RASSF3: variants seen among roughly 807,000 people sequenced by gnomAD.
The protein encoded by RASSF3 is Ras association domain family member 3.
Under a neutral mutation model 19.9 loss-of-function variants are expected in RASSF3, and 19 were observed. The observed-to-expected ratio is 0.96, with a 90% CI of 0.67 to 1.40. The LOEUF is 1.40. RASSF3 is among the 40% of genes most tolerant of loss of function. The probability of loss-of-function intolerance (pLI) is 0.00; values close to 1 mark genes in which losing one functional copy is unlikely to be tolerated. For missense variants in RASSF3, 306 were observed against 289.8 expected, an observed-to-expected ratio of 1.06 and a Z score of -0.41; for synonymous variants, 110 against 104.2, an observed-to-expected ratio of 1.06 and a Z score of -0.34.
intron 1 of RASSF3, among the ~76,000 whole-genome samples, chr12:64,674,093 C>T (rs1840627370): frequency 6.6e-6 from 1 of 152,134 alleles, no homozygotes; most frequent in Non-Finnish European, 1.5e-5. Context: ...CCTGTTCCTG[C>T]TTTCGCTGCC....
At chr12:64,562,601 A>C (rs904434266) in intron 2 of RASSF3, among the ~76,000 whole-genome samples, 15 of 150,424 alleles carry the variant, frequency 1.0e-4, no homozygotes, top group Non-Finnish European at 1.9e-4. Context: ...AACTTCCTCT[A>C]TTCTCCTGGG....
At chr12:64,634,380 C>T (rs562195890) in intron 1 of RASSF3, among the ~76,000 whole-genome samples, 1 of 150,824 alleles carries the variant, frequency 6.6e-6, no homozygotes. Flanking sequence ...CTATGTTATC[C>T]AGGCTGGTCT....
chr12:64,571,373 G>A (rs73317556), intron 2 of RASSF3, among the ~76,000 whole-genome samples: 2,301 of 152,156 alleles, frequency 0.015, 54 homozygotes, highest in African/African-American at 0.053. Context: ...GGACTTCAGA[G>A]AATCATGAGG....
intron 2 of RASSF3, among the ~76,000 whole-genome samples, chr12:64,548,806 G>A (rs1442554341): frequency 6.6e-6 from 1 of 152,136 alleles, no homozygotes; most frequent in Non-Finnish European, 1.5e-5. Flanking sequence ...CAATTTTAAA[G>A]GGCTTAGTGC....
intron 3 of RASSF3, among the ~76,000 whole-genome samples, chr12:64,689,791 C>CTTTTTTTTTTTTTTTTTT (rs762822586): frequency 0.011 from 1,074 of 96,340 alleles, 188 homozygotes; most frequent in Middle Eastern, 0.021. Context: ...TTCGCTAATT[C>CTTTTTTTTTTTTTTTTTT]TTTTTTTTTT....
chr12:64,514,180 C>G (rs1231863167), intron 1 of RASSF3, among the ~76,000 whole-genome samples: 1 of 141,296 alleles, frequency 7.1e-6, no homozygotes, highest in Non-Finnish European at 1.5e-5. Flanking sequence ...AGCCACAGCG[C>G]TCAGCCTCTT....
intron 1 of RASSF3, among the ~76,000 whole-genome samples, chr12:64,657,518 G>T (rs17100518): frequency 0.058 from 8,794 of 152,284 alleles, 853 homozygotes; most frequent in African/African-American, 0.2. Context: ...TGGGACCAGG[G>T]TATTTGGATT....
At chr12:64,680,636 CAG>C (rs950538595) in intron 1 of RASSF3, among the ~76,000 whole-genome samples, 3 of 151,802 alleles carry the variant, frequency 2.0e-5, no homozygotes, top group East Asian at 3.9e-4. Context: ...GTTTTTGAGA[CAG>C]AGTCTCGCTC....
intron 1 of RASSF3, among the ~76,000 whole-genome samples, chr12:64,519,332 G>A (rs1486985558): frequency 6.6e-6 from 1 of 152,164 alleles, no homozygotes; most frequent in East Asian, 1.9e-4. Flanking sequence ...TCTTGAGCAC[G>A]GTGAGTGGTG....
At chr12:64,529,505 C>T (rs1040895966), upstream of RASSF3, among the ~76,000 whole-genome samples, 8 of 152,170 alleles carry the variant, frequency 5.3e-5, no homozygotes, top group African/African-American at 1.9e-4. Context: ...ACTCTGTCTT[C>T]TAGCTGTGGG....
At chr12:64,593,018 C>T (rs1869948104) in intron 2 of RASSF3, among the ~76,000 whole-genome samples, 1 of 151,954 alleles carries the variant, frequency 6.6e-6, no homozygotes, top group Non-Finnish European at 1.5e-5. Flanking sequence ...TTGCAAGTAC[C>T]TTTTCCTCAT....
intron 1 of RASSF3, among the ~76,000 whole-genome samples, chr12:64,675,045 G>GCGC (rs1872834752): frequency 1.7e-5 from 1 of 57,490 alleles, no homozygotes; most frequent in African/African-American, 7.6e-5. Flanking sequence ...TACCCACCTA[G>GCGC]CCCCCCCCCC....
At chr12:64,682,789 A>G (rs1173263379) in intron 1 of RASSF3, among the ~76,000 whole-genome samples, 1 of 152,192 alleles carries the variant, frequency 6.6e-6, no homozygotes, top group African/African-American at 2.4e-5. Context: ...TCCAGCTGTG[A>G]GAATGATGTG....
At chr12:64,539,597 G>A (rs1300366991) in intron 1 of RASSF3, among the ~76,000 whole-genome samples, 1 of 152,070 alleles carries the variant, frequency 6.6e-6, no homozygotes, top group East Asian at 1.9e-4. Flanking sequence ...GCAACATGGT[G>A]AAACCCCATC....
intron 1 of RASSF3, among the ~76,000 whole-genome samples, chr12:64,675,064 C>T (rs1436871262): frequency 7.1e-6 from 1 of 140,572 alleles, no homozygotes; most frequent in African/African-American, 2.6e-5. Context: ...CCCCCCGCCA[C>T]CCCGGCTTCT....
At chr12:64,536,405 T>G (rs73315582) in intron 1 of RASSF3, among the ~76,000 whole-genome samples, 3,760 of 152,260 alleles carry the variant, frequency 0.025, 148 homozygotes, top group African/African-American at 0.085. Flanking sequence ...ATAATTATGA[T>G]GGAGAAACAA....
At chr12:64,542,459 A>G (rs1329470649), downstream of RASSF3, among the ~76,000 whole-genome samples, 1 of 152,228 alleles carries the variant, frequency 6.6e-6, no homozygotes, top group Non-Finnish European at 1.5e-5. Context: ...CAGCCAGCAC[A>G]TCCATTCTCA....
chr12:64,602,960 G>A (rs1297959986), intron 2 of RASSF3, among the ~76,000 whole-genome samples: 10 of 152,030 alleles, frequency 6.6e-5, no homozygotes, highest in Non-Finnish European at 2.9e-5. Context: ...TTAGCTGGGC[G>A]TGGTGGCAGG....
intron 2 of RASSF3, among the ~76,000 whole-genome samples, chr12:64,567,856 C>T (rs949523104): frequency 3.9e-5 from 6 of 152,302 alleles, no homozygotes; most frequent in Middle Eastern, 3.4e-3. Context: ...CCCAGGCAGG[C>T]GTAATGGGAG....
Sources: gnomAD v4.1 joint callset for allele counts (sites outside exome capture counted in the v4.1 genomes callset) on GRCh38, gnomAD v4.1.1 for gene constraint, MANE v1.5 for transcripts, NCBI Gene and HGNC (gene_info 2026-07-23, HGNC 2026-07-21) for gene names.